The following PID1 variants were observed in gnomAD, a reference collection of about 807,000 sequenced individuals.
PID1 encodes PTB-containing, cubilin and LRP1-interacting protein.
In PID1, 10 loss-of-function variants were observed where a neutral mutation model predicts 19.1. The observed-to-expected ratio is 0.52, with a 90% CI of 0.32 to 0.89. The LOEUF is 0.89. Among genes scored for constraint, PID1 ranks in the 40% least tolerant of loss-of-function variants. The probability of loss-of-function intolerance (pLI) is 0.03; values close to 1 mark genes in which losing one functional copy is unlikely to be tolerated. For synonymous variants in PID1, 130 were observed against 116.0 expected, an observed-to-expected ratio of 1.12 and a Z score of -0.78; for missense variants, 248 against 285.3, an observed-to-expected ratio of 0.87 and a Z score of 0.94.
chr2:229,112,611 G>A (rs1006916068), intron 2 of PID1, among the ~76,000 whole-genome samples: 4 of 152,002 alleles, frequency 2.6e-5, no homozygotes, highest in African/African-American at 7.2e-5. Flanking sequence ...TCAGCCTCCC[G>A]AGTAGCTGAG....
rs1694483073 is a variant in PID1, at chr2:229,072,763, T to C, written c.178-46655A>G. ...TCAAAGCCAAGGTACTCATCAAATT[T>C]GATGTAGGCTTTATGTGCCCCCATG... On this transcript the variant is annotated intron_variant, in intron 2 of 2. Transcript: ENST00000392055. 4.6e-5 allele frequency among the ~76,000 whole-genome samples: 7 copies of C among 152,336 alleles called. No homozygotes were observed. In the South Asian group the frequency reaches 1.4e-3, roughly 32 times the overall value.
At chr2:229,092,468 T>C (rs778928986) in intron 2 of PID1, among the ~76,000 whole-genome samples, 1 of 152,164 alleles carries the variant, frequency 6.6e-6, no homozygotes, top group Non-Finnish European at 1.5e-5. Context: ...AGAGAGCCGC[T>C]ATGGTGCAGC....
chr2:229,064,354 A>AC (rs763899643), intron 2 of PID1, among the ~76,000 whole-genome samples: 1 of 152,060 alleles, frequency 6.6e-6, no homozygotes, highest in Non-Finnish European at 1.5e-5. Context: ...TGGGGATTTG[A>AC]CTGAGTGGGG....
chr2:229,260,919 T>C (rs777399176), intron 1 of PID1, among the ~76,000 whole-genome samples: 2 of 151,178 alleles, frequency 1.3e-5, no homozygotes, highest in East Asian at 2.0e-4. Flanking sequence ...ATAGATTAAA[T>C]TGTGTCCCTC....
intron 2 of PID1, among the ~76,000 whole-genome samples, chr2:229,082,772 A>T (rs1694693410): frequency 6.6e-6 from 1 of 152,196 alleles, no homozygotes; most frequent in African/African-American, 2.4e-5. Flanking sequence ...ATCTTCCATA[A>T]GAGAATACAG....
chr2:229,107,593 G>C (rs1455485103), intron 2 of PID1, among the ~76,000 whole-genome samples: 3 of 151,598 alleles, frequency 2.0e-5, no homozygotes, highest in Non-Finnish European at 4.4e-5. Flanking sequence ...ACTACAAAAA[G>C]GTCCTTCAAA....
intron 1 of PID1, among the ~76,000 whole-genome samples, chr2:229,212,280 C>T (rs957890375): frequency 6.6e-6 from 1 of 152,180 alleles, no homozygotes; most frequent in African/African-American, 2.4e-5. Flanking sequence ...ATTTATAATT[C>T]CCTTTCAAAG....
chr2:229,036,280 A>G (rs1444933367), intron 2 of PID1, among the ~76,000 whole-genome samples: 6 of 152,282 alleles, frequency 3.9e-5, no homozygotes, highest in Non-Finnish European at 7.4e-5. Context: ...TATGGTTGCA[A>G]TGGCTCCAGA....
rs147370377 is a variant in PID1 at position 229,101,459 on chromosome 2, AG to A, written c.177+54358del. On this transcript the variant is annotated intron_variant, in intron 2 of 2. Transcript: ENST00000392055. Reference sequence around the variant, plus strand: ...GGCATGTGCAGAAACTGAGCTGCACAGCACACTGCCATGCCTTGAGTGATCA... The same window carrying A: ...GGCATGTGCAGAAACTGAGCTGCACACACACTGCCATGCCTTGAGTGATCA... 7.0e-3 allele frequency among the ~76,000 whole-genome samples: 1,073 copies of A among 152,348 alleles called. 12 individuals carry two copies. Among genetic ancestry groups the A allele is most frequent in the African/African-American group, 0.025 (1,019 of 41,578 alleles).
intron 1 of PID1, among the ~76,000 whole-genome samples, chr2:229,182,347 C>T (rs1455553409): frequency 6.6e-6 from 1 of 152,056 alleles, no homozygotes; most frequent in Non-Finnish European, 1.5e-5. Context: ...CTTTCTATGC[C>T]TTCCACCTCA....
chr2:229,081,917 A>G (rs1345581964), intron 2 of PID1, among the ~76,000 whole-genome samples: 16 of 152,238 alleles, frequency 1.1e-4, no homozygotes, highest in Admixed American at 1.0e-3. Flanking sequence ...AAACTGCATC[A>G]TGAAGAATTC....
At chr2:229,166,793 G>T (rs1690606472) in intron 1 of PID1, among the ~76,000 whole-genome samples, 1 of 152,162 alleles carries the variant, frequency 6.6e-6, no homozygotes. Context: ...TAGAAATGAA[G>T]ATAGTGCTCA....
chr2:229,270,231 A>G (rs2106298799), intron 1 of PID1, among the ~76,000 whole-genome samples: 1 of 152,350 alleles, frequency 6.6e-6, no homozygotes, highest in East Asian at 1.9e-4. Context: ...ACTCTTGACA[A>G]TATTTGCCAG....
At chr2:229,169,572 T>G (rs1005811851) in intron 1 of PID1, among the ~76,000 whole-genome samples, 1 of 152,148 alleles carries the variant, frequency 6.6e-6, no homozygotes, top group Non-Finnish European at 1.5e-5. Flanking sequence ...ACAAATAAAA[T>G]GTTCTGAAAT....
At chr2:229,061,632 T>C (rs193238160) in intron 2 of PID1, among the ~76,000 whole-genome samples, 1 of 151,980 alleles carries the variant, frequency 6.6e-6, no homozygotes, top group African/African-American at 2.4e-5. Context: ...ATATTTTCTA[T>C]TTCCTTGAAA....
intron 2 of PID1, among the ~76,000 whole-genome samples, chr2:229,089,554 A>G (rs1419093507): frequency 6.6e-6 from 1 of 152,202 alleles, no homozygotes; most frequent in East Asian, 1.9e-4. Context: ...GGCTTTCCCA[A>G]TGCTTTTCAC....
intron 1 of PID1, among the ~76,000 whole-genome samples, chr2:229,242,308 T>C (rs1287353278): frequency 6.6e-6 from 1 of 152,192 alleles, no homozygotes; most frequent in Admixed American, 6.5e-5. Context: ...TCACAGCACT[T>C]GCTATGACTC....
rs538097447 is a variant in PID1, at chr2:229,094,752, T to A, written c.177+61066A>T. On this transcript the variant is annotated intron_variant, in intron 2 of 2. Transcript: ENST00000392055. ...CCACTTGTAGATGAATGACACTAGA[T>A]CCCTATCTCTCACCATATACAAAAA... Among the ~76,000 whole-genome samples the A allele has an allele frequency of 2.6e-5, 4 of 151,926 alleles. No individual in the cohort carries two copies. In the South Asian group the frequency reaches 8.3e-4, roughly 32 times the overall value.
intron 2 of PID1, among the ~76,000 whole-genome samples, chr2:229,071,300 A>G (rs1179915082): frequency 2.6e-5 from 4 of 152,314 alleles, no homozygotes; most frequent in Admixed American, 2.6e-4. Flanking sequence ...AAAGTAACAT[A>G]ACGTTTAAAT....
Sources: gnomAD v4.1 joint callset for allele counts (sites outside exome capture counted in the v4.1 genomes callset) on GRCh38, gnomAD v4.1.1 for gene constraint, MANE v1.5 for transcripts, NCBI Gene and HGNC (gene_info 2026-07-23, HGNC 2026-07-21) for gene names.